Variants in ASCC1 observed in about 807,000 individuals in gnomAD.
The protein encoded by ASCC1 is activating signal cointegrator 1 complex subunit 1, also known as ASC-1 complex subunit P50.
A neutral mutation model predicts 46.6 loss-of-function variants in ASCC1; 35 were observed. The ratio of observed to expected loss-of-function variants is 0.75; its 90% CI spans 0.57 to 0.99. The LOEUF (loss-of-function observed/expected upper bound fraction) is 0.99, where lower values mean the gene tolerates loss of function less well. ASCC1 is among the 50% of genes least tolerant of loss of function. The probability of loss-of-function intolerance (pLI) is 0.00; values close to 1 mark genes in which losing one functional copy is unlikely to be tolerated. For missense variants in ASCC1, 376 were observed against 428.7 expected, an observed-to-expected ratio of 0.88 and a Z score of 1.09; for synonymous variants, 143 against 146.6, an observed-to-expected ratio of 0.98 and a Z score of 0.18.
At chr10:72,199,870 T>C (rs1564748304) in intron 4 of ASCC1, among the ~76,000 whole-genome samples, 1 of 152,132 alleles carries the variant, frequency 6.6e-6, no homozygotes, top group Non-Finnish European at 1.5e-5. Context: ...TAGCTGAGAC[T>C]ACAAGCATGT....
chr10:72,165,641 G>A (rs1217469213), intron 5 of ASCC1, among the ~76,000 whole-genome samples: 1 of 152,234 alleles, frequency 6.6e-6, no homozygotes, highest in African/African-American at 2.4e-5. Flanking sequence ...TTTTCTAAGT[G>A]TTAATGGAGC....
chr10:72,164,654 G>C (rs11000197), intron 5 of ASCC1, among the ~76,000 whole-genome samples: 20,022 of 152,172 alleles, frequency 0.13, 4,165 homozygotes, highest in African/African-American at 0.44. Flanking sequence ...TACCCAGGAG[G>C]AGAACTGCTG....
chr10:72,139,756 G>T (rs1013014524), intron 7 of ASCC1, among the ~76,000 whole-genome samples: 6 of 152,202 alleles, frequency 3.9e-5, no homozygotes, highest in African/African-American at 1.4e-4. Context: ...TCAAGCTTTT[G>T]TTTGGGCTTT....
At chr10:72,184,229 AAAG>A (rs146983681) in intron 5 of ASCC1, among the ~76,000 whole-genome samples, 2,829 of 151,878 alleles carry the variant, frequency 0.019, 44 homozygotes, top group Non-Finnish European at 0.027. Flanking sequence ...AAAAAAGAAC[AAAG>A]AAGACCAAAA....
At chr10:72,154,353 A>G (rs1485086377) in intron 6 of ASCC1, among the ~76,000 whole-genome samples, 1 of 152,234 alleles carries the variant, frequency 6.6e-6, no homozygotes, top group Non-Finnish European at 1.5e-5. Flanking sequence ...AGCTCTATAA[A>G]TAATGGTCAT....
rs572909786 is a variant in ASCC1 at position 72,118,153 on chromosome 10, G to A, written c.957+9929C>T. 7.3e-5 allele frequency among the ~76,000 whole-genome samples: 11 copies of A among 150,536 alleles called. No homozygotes were observed. The East Asian group carries it at 1.8e-3, about 25-fold the overall frequency. ...GAGGCTGAGGCGGGCAGATCACAAG[G>A]TCAGGAGATCGAGACCATCCTGGCT... On this transcript the variant is annotated intron_variant, in intron 9 of 9. Transcript: ENST00000672957.
intron 7 of ASCC1, among the ~76,000 whole-genome samples, chr10:72,138,026 G>A (rs867149002): frequency 2.0e-5 from 3 of 151,948 alleles, no homozygotes; most frequent in Non-Finnish European, 2.9e-5. Flanking sequence ...CACTGCCACC[G>A]GCTAATTTTT....
intron 7 of ASCC1, among the ~76,000 whole-genome samples, chr10:72,141,118 G>A (rs1293145681): frequency 6.6e-6 from 1 of 151,834 alleles, no homozygotes; most frequent in East Asian, 1.9e-4. Context: ...TAGATATACA[G>A]ATATATATAG....
chr10:72,123,687 A>G lies in ASCC1; in HGVS notation c.957+4395T>C, dbSNP rs191831218. Among the ~76,000 whole-genome samples the G allele has an allele frequency of 2.0e-4, 30 of 152,322 alleles. 1 individual carries two copies. The highest frequency in any genetic ancestry group is 7.0e-4 in the African/African-American group (29 of 41,564). On this transcript the variant is annotated intron_variant, in intron 9 of 9. Coordinates refer to ENST00000672957, the MANE Select transcript of ASCC1 (RefSeq NM_001198800.3). ...CCTCTAGAAAAAAAAAATTGAATTTATCTTTTCAACACTCTTCTAATACTT... is the reference window on the plus strand; with the variant it reads ...CCTCTAGAAAAAAAAAATTGAATTTGTCTTTTCAACACTCTTCTAATACTT...
chr10:72,205,853 G>A (rs1440278149), intron 3 of ASCC1, among the ~76,000 whole-genome samples: 1 of 151,860 alleles, frequency 6.6e-6, no homozygotes, highest in Admixed American at 6.6e-5. Context: ...TCTCACGCCT[G>A]TAATCCCAGG....
intron 4 of ASCC1, chr10:72,198,709 A>T (rs867650633): frequency 1.4e-4 from 65 of 455,890 alleles, no homozygotes; most frequent in Non-Finnish European, 2.6e-4. Flanking sequence ...CAGAGCAAAT[A>T]TCACACGAAT....
intron 8 of ASCC1, among the ~76,000 whole-genome samples, chr10:72,131,904 G>C (rs11000182): frequency 0.049 from 6,704 of 137,914 alleles, 468 homozygotes; most frequent in African/African-American, 0.15. Context: ...TTGAGAAGGA[G>C]TCTTGCTCTG....
chr10:72,099,072 A>C (rs1841417433), intron 9 of ASCC1, among the ~76,000 whole-genome samples: 1 of 152,216 alleles, frequency 6.6e-6, no homozygotes, highest in African/African-American at 2.4e-5. Flanking sequence ...GAAAACTAAA[A>C]GGAAACTCAT....
chr10:72,151,197 G>A (rs914682957), intron 7 of ASCC1, among the ~76,000 whole-genome samples: 117 of 152,234 alleles, frequency 7.7e-4, no homozygotes, highest in African/African-American at 2.2e-3. Flanking sequence ...GAACCAACCC[G>A]AATGTCCATC....
chr10:72,143,123 T>C (rs1224092553), intron 7 of ASCC1, among the ~76,000 whole-genome samples: 1 of 141,372 alleles, frequency 7.1e-6, no homozygotes, highest in African/African-American at 2.7e-5. Flanking sequence ...ATGGTGCCAC[T>C]GCACTCGAGC....
At chr10:72,170,966 C>A (rs1038416811) in intron 5 of ASCC1, among the ~76,000 whole-genome samples, 1 of 151,864 alleles carries the variant, frequency 6.6e-6, no homozygotes, top group Non-Finnish European at 1.5e-5. Context: ...AAGATCCCAC[C>A]CCCCCCAATA....
intron 9 of ASCC1, chr10:72,102,972 C>A: frequency 2.2e-6 from 1 of 448,756 alleles, no homozygotes; most frequent in Non-Finnish European, 4.5e-6. Flanking sequence ...AAAGCTCTGT[C>A]TCAAAACAAA....
chr10:72,185,470 A>G (rs570916533), intron 5 of ASCC1, among the ~76,000 whole-genome samples: 14 of 152,350 alleles, frequency 9.2e-5, no homozygotes, highest in African/African-American at 3.4e-4. Flanking sequence ...ATACCACTCA[A>G]CAATAAAAAG....
At chr10:72,187,846 G>A (rs527879737) in intron 5 of ASCC1, among the ~76,000 whole-genome samples, 6 of 150,624 alleles carry the variant, frequency 4.0e-5, no homozygotes, top group East Asian at 2.0e-4. Context: ...CCAGCTACTC[G>A]AGAGGCTAAG....
Sources: allele counts gnomAD v4.1 joint callset (sites outside exome capture counted in the v4.1 genomes callset), GRCh38; gene constraint gnomAD v4.1.1; transcripts MANE v1.5; gene names NCBI Gene and HGNC (gene_info 2026-07-23, HGNC 2026-07-21).